Variants in ATP1A4 observed in about 807,000 individuals in gnomAD.
The protein encoded by ATP1A4 is ATPase Na+/K+ transporting subunit alpha 4, also known as sodium/potassium-transporting ATPase subunit alpha-4.
Under a neutral mutation model 114.3 loss-of-function variants are expected in ATP1A4, and 90 were observed. The ratio of observed to expected loss-of-function variants is 0.79; its 90% CI spans 0.66 to 0.94. ATP1A4 has a LOEUF of 0.94. Among genes scored for constraint, ATP1A4 ranks in the 40% least tolerant of loss-of-function variants. The pLI, the probability that ATP1A4 is intolerant of heterozygous loss-of-function variation, is 0.00. For missense variants in ATP1A4, 1,222 were observed against 1,313.6 expected (o/e 0.93, Z 1.08); for synonymous variants, 511 against 494.1 (o/e 1.03, Z -0.45).
In ATP1A4 at chr1:160,176,469, C is replaced by T. The variant is rs376980035; in HGVS notation, c.2467-10C>T. On this transcript the variant is annotated splice_polypyrimidine_tract_variant and intron_variant, in intron 16 of 21. Transcript: ENST00000368081. ...TGTGACCCCTGTCATCCCCACCCTC[C>T]ATCCTCCAGGTCCCTGCCATCTCCT... 1.2e-6 allele frequency: 2 copies of T among 1,614,180 alleles called. No homozygotes were observed. Among genetic ancestry groups the T allele is most frequent in the Non-Finnish European group, 1.7e-6 (2 of 1,180,006 alleles).
At chr1:160,172,865 C>T (rs1459398958) in intron 12 of ATP1A4, among the ~76,000 whole-genome samples, 2 of 152,122 alleles carry the variant, frequency 1.3e-5, no homozygotes, top group Non-Finnish European at 2.9e-5. Context: ...TCCTCCATTC[C>T]TTCATTCAGT....
chr1:160,179,733 T>A (rs145047019), intron 18 of ATP1A4, among the ~76,000 whole-genome samples: 3,398 of 152,306 alleles, frequency 0.022, 48 homozygotes, highest in Non-Finnish European at 0.036. Context: ...CCTGGGGATA[T>A]GATAGTGAAC....
At chr1:160,171,212 C>G in intron 10 of ATP1A4, 39 bp from the exon 11 acceptor site, 1 of 1,563,496 alleles carries the variant, frequency 6.4e-7, no homozygotes, top group Non-Finnish European at 8.7e-7. Context: ...TCCTTGGTCT[C>G]TCCTCCTGTC....
chr1:160,173,621 C>T lies in ATP1A4; in HGVS notation c.1895C>T (p.Ala632Val), dbSNP rs761126045. ...VTGDHPITAK[A>V]IAKGVGIISE... is the part of the protein sequence containing the mutation. ...GGAGATCATCCCATTACAGCTAAGG[C>T]CATTGCCAAGGGTGTGGGCATCATC... The change falls in exon 13 of 22, where the codon GCC becomes GTC. Residue 632 changes from alanine to valine, a missense_variant. By Grantham distance (64) the Ala-to-Val change is moderately conservative (BLOSUM62 0). Transcript: ENST00000368081. The T allele has an allele frequency of 2.5e-6, 4 of 1,614,166 alleles. No individual in the cohort carries two copies. The Admixed American group carries it at 5.0e-5, about 20-fold the overall frequency.
intron 20 of ATP1A4, among the ~76,000 whole-genome samples, chr1:160,185,534 C>T (rs564640087): frequency 1.5e-4 from 23 of 152,234 alleles, no homozygotes; most frequent in Admixed American, 3.9e-4. Context: ...GCCTATAATC[C>T]TAGCACTTTG....
chr1:160,176,677 T>C, intron 17 of ATP1A4, 75 bp downstream of exon 17: 1 of 1,580,480 alleles, frequency 6.3e-7, no homozygotes, highest in Non-Finnish European at 8.6e-7. Flanking sequence ...CCATCTCAGT[T>C]TGGAAGTCAG....
rs575508163 is a variant in ATP1A4 at position 160,165,149 on chromosome 1, T to A, written c.1047+725T>A. ...GTCTGTAGGCCACCTGTCTTGATGA[T>A]CACCTGTTGAGGGTATGCTCTAGTT... On this transcript the variant is annotated intron_variant, in intron 7 of 21. Coordinates refer to ENST00000368081, the MANE Select transcript of ATP1A4 (RefSeq NM_144699.4). 7.9e-5 allele frequency among the ~76,000 whole-genome samples: 12 copies of A among 152,338 alleles called. No individual in the cohort carries two copies. The East Asian group carries it at 2.1e-3, about 27-fold the overall frequency.
intron 6 of ATP1A4, among the ~76,000 whole-genome samples, chr1:160,161,014 G>A (rs745639867): frequency 3.3e-5 from 5 of 152,134 alleles, no homozygotes; most frequent in Non-Finnish European, 7.4e-5. Flanking sequence ...TAAAGGGTAT[G>A]GAGGAAAGTG....
At chr1:160,166,105 A>G (rs1653022327) in intron 7 of ATP1A4, among the ~76,000 whole-genome samples, 1 of 152,144 alleles carries the variant, frequency 6.6e-6, no homozygotes, top group South Asian at 2.1e-4. Context: ...CCCTGTCTCT[A>G]CTAAAAATAC....
chr1:160,171,207 G>T, intron 10 of ATP1A4, 44 bp from the exon 11 acceptor site: 1 of 1,533,364 alleles, frequency 6.5e-7, no homozygotes, highest in South Asian at 1.2e-5. Context: ...CCTGATCCTT[G>T]GTCTCTCCTC....
chr1:160,177,392 G>C (rs1441916655), intron 17 of ATP1A4, 127 bp from the exon 18 acceptor site: 1 of 908,470 alleles, frequency 1.1e-6, no homozygotes, highest in South Asian at 1.7e-5. Context: ...AGATTCTTCC[G>C]CATTACTCTT....
At chr1:160,171,792 G>A (rs765014623) in intron 12 of ATP1A4, 35 bp downstream of exon 12, 15 of 1,599,976 alleles carry the variant, frequency 9.4e-6, no homozygotes, top group East Asian at 2.2e-5. Context: ...CCCCTCACCT[G>A]TCACAAGTTG....
Position 160,171,355 on chromosome 1 carries a change from G to A in ATP1A4, c.1596G>A (p.Gly532=), listed in dbSNP as rs1405365869. The part of the protein sequence containing the change: ...LEFCSTFLLN[G]QEYSMNDEMK... ...TTTGTTCTACCTTTCTTCTGAATGG[G>A]CAGGAGTACTCAATGAACGATGAAA... Residue 532 remains glycine (G), a synonymous_variant, in exon 11 of 22, where the codon GGG becomes GGA. Coordinates refer to ENST00000368081, the MANE Select transcript of ATP1A4 (RefSeq NM_144699.4). 69 of 1,614,008 alleles carry A rather than the reference G, an allele frequency of 4.3e-5. No individual in the cohort carries two copies. The highest frequency in any genetic ancestry group is 5.8e-5 in the Non-Finnish European group (69 of 1,180,018).
chr1:160,181,536 C>T (rs1295651013), intron 18 of ATP1A4, 148 bp from the exon 19 acceptor site: 12 of 889,662 alleles, frequency 1.3e-5, no homozygotes, highest in Non-Finnish European at 1.5e-5. Flanking sequence ...GCCTAGGCAA[C>T]AAGAGCGAGA....
At chr1:160,162,698 T>C (rs531659858) in intron 6 of ATP1A4, among the ~76,000 whole-genome samples, 1 of 152,102 alleles carries the variant, frequency 6.6e-6, no homozygotes, top group East Asian at 1.9e-4. Flanking sequence ...CATTGCCAAA[T>C]GTCCCCAGGG....
chr1:160,171,897 T>A, intron 12 of ATP1A4, 140 bp downstream of exon 12: 1 of 839,472 alleles, frequency 1.2e-6, no homozygotes, highest in Non-Finnish European at 1.8e-6. Context: ...GATTTTTAAT[T>A]AATAGTAAGT....
intron 18 of ATP1A4, 144 bp downstream of exon 18, chr1:160,177,808 C>T (rs1653535108): frequency 1.2e-6 from 1 of 856,196 alleles, no homozygotes; most frequent in Non-Finnish European, 1.8e-6. Flanking sequence ...CTGTATGAGC[C>T]TTCTCACACT....
In ATP1A4 at chr1:160,166,593, G is replaced by A. The variant is rs372583572; in HGVS notation, c.1113G>A (p.Ala371=). Residue 371 remains alanine (A), a synonymous_variant, in exon 8 of 22, where the codon GCG becomes GCA. Coordinates refer to ENST00000368081, the MANE Select transcript of ATP1A4 (RefSeq NM_144699.4). ...ACTGCCTGGTGAAGAACCTGGAGGC[G>A]GTGGAGACGCTGGGCTCCACGTCCA... is the stretch of plus-strand genomic sequence containing the variant. ...RKNCLVKNLE[A]VETLGSTSTI... The A allele has an allele frequency of 2.2e-5, 36 of 1,614,210 alleles. No individual in the cohort carries two copies. The highest frequency in any genetic ancestry group is 6.7e-5 in the East Asian group (3 of 44,892).
Position 160,186,762 on chromosome 1 carries a change from G to T in ATP1A4, c.*63G>T. ...TTGTGAGAGCTGGGATGGGGCCAGA[G>T]ATTATAAGTTTGACACAACATCTGA... On this transcript the variant is annotated 3_prime_UTR_variant, in exon 22 of 22. Coordinates refer to ENST00000368081, the MANE Select transcript of ATP1A4 (RefSeq NM_144699.4). 9 of 1,533,040 alleles carry T rather than the reference G, an allele frequency of 5.9e-6. No individual in the cohort carries two copies. The highest frequency in any genetic ancestry group is 8.0e-6 in the Non-Finnish European group (9 of 1,118,724). 95.0% of individuals were successfully genotyped at this position (1,533,040 alleles called of 1,614,324 possible).
Sources: gnomAD v4.1 joint callset for allele counts (sites outside exome capture counted in the v4.1 genomes callset) on GRCh38, gnomAD v4.1.1 for gene constraint, MANE v1.5 for transcripts, NCBI Gene and HGNC (gene_info 2026-07-23, HGNC 2026-07-21) for gene names.